Variants in TAF4 observed in about 807,000 individuals in gnomAD.
TAF4 encodes the protein TATA-box binding protein associated factor 4, also known as transcription initiation factor TFIID subunit 4.
A neutral mutation model predicts 90.3 loss-of-function variants in TAF4; 9 were observed. That is an observed-to-expected ratio of 0.10 (90% CI 0.06 to 0.17). TAF4 has a LOEUF of 0.17. TAF4 is among the 10% of genes least tolerant of loss of function. The pLI is 1.00. For synonymous variants in TAF4, 818 were observed against 638.9 expected, an observed-to-expected ratio of 1.28 and a Z score of -4.23; for missense variants, 1,351 against 1,370.7, an observed-to-expected ratio of 0.99 and a Z score of 0.23.
intron 7 of TAF4, chr20:62,005,986 A>G (rs2055742535): frequency 6.5e-6 from 1 of 152,744 alleles, no homozygotes; most frequent in Non-Finnish European, 1.5e-5. Context: ...CTAGCTGCAG[A>G]GCAAACGTCA....
chr20:61,989,034 G>C (rs1285018106), intron 14 of TAF4, among the ~76,000 whole-genome samples: 1 of 152,170 alleles, frequency 6.6e-6, no homozygotes, highest in African/African-American at 2.4e-5. Context: ...CTGAATGATG[G>C]GAACCAGGTT....
chr20:62,039,354 TCTCCTCAA>T (rs1201882545), intron 1 of TAF4, among the ~76,000 whole-genome samples: 1 of 152,054 alleles, frequency 6.6e-6, no homozygotes, highest in Non-Finnish European at 1.5e-5. Flanking sequence ...GAAAGGAAGG[TCTCCTCAA>T]CACATAAGGC....
intron 1 of TAF4, among the ~76,000 whole-genome samples, chr20:62,016,690 T>C (rs772502456): frequency 6.6e-6 from 1 of 152,250 alleles, no homozygotes; most frequent in Non-Finnish European, 1.5e-5. Context: ...GGACTTCACC[T>C]TGTGATCCTG....
chr20:62,039,332 T>A (rs1006359948), intron 1 of TAF4, among the ~76,000 whole-genome samples: 2 of 152,174 alleles, frequency 1.3e-5, no homozygotes, highest in South Asian at 4.1e-4. Flanking sequence ...GGCAGCAGCA[T>A]CGTTCAATAG....
At chr20:61,998,943 G>A (rs777755287) in intron 12 of TAF4, 40 bp downstream of exon 12, 19 of 1,606,154 alleles carry the variant, frequency 1.2e-5, no homozygotes, top group Non-Finnish European at 1.6e-5. Context: ...TGGCTGAGAC[G>A]GAGGTGCCCA....
At position 62,064,694 on chromosome 20, in the gene TAF4, TGCTGGCCGCCGTGCTGGCCGGGCC is replaced by T. The variant is rs756189167; in HGVS notation, c.1093_1116del (p.Gly365_Ser372del). 9.6e-6 allele frequency: 12 copies of T among 1,253,012 alleles called. No homozygotes were observed. Among genetic ancestry groups the T allele is most frequent in the Middle Eastern group, 3.2e-4 (1 of 3,108 alleles). 77.6% of individuals were successfully genotyped at this position (1,253,012 alleles called of 1,614,324 possible). On this transcript the variant is annotated inframe_deletion, in exon 1 of 15. Transcript: ENST00000252996. ...CCTTGCATAGTTGGCCCGATGACCA[TGCTGGCCGCCGTGCTGGCCGGGCC>T]GCTGGCCGCCAGGGTCTGCGCCGCC...
chr20:62,010,132 C>T lies in TAF4; in HGVS notation c.1675G>A (p.Ala559Thr), dbSNP rs1444029107. 1.2e-6 allele frequency: 2 copies of T among 1,613,890 alleles called. No homozygotes were observed. Among genetic ancestry groups the T allele is most frequent in the Admixed American group, 1.7e-5 (1 of 60,020 alleles). ...QLVLGGAAQTASLGTATAVQT... is the reference protein window; with the variant it reads ...QLVLGGAAQTTSLGTATAVQT... ...ACAGCCGTCGCCGTCCCAAGTGAAG[C>T]CGTCTGGGCAGCGCCACCCAGAACG... Residue 559 changes from alanine to threonine, a missense_variant, in exon 4 of 15, where the codon GCT (alanine) becomes ACT (threonine). Physicochemically the swap from Ala to Thr is moderately conservative, Grantham distance 58. This residue lies in a region of TAF4 where 143 missense variants were observed against 176.3 expected (regional missense o/e 0.81). Coordinates refer to ENST00000252996, the MANE Select transcript of TAF4 (RefSeq NM_003185.4). The surrounding 1 kb of genome is among the most constrained non-coding windows in gnomAD (Gnocchi z 4.5).
rs1447343769 is a variant in TAF4 at position 62,006,882 on chromosome 20, C to T, written c.1975-124G>A. ...GAGCTAAGTAAGATGGATCTTGGCC[C>T]TCACGGCAGCATGTCTGGATGTCAA... On this transcript the variant is annotated intron_variant, in intron 6 of 14. Transcript: ENST00000252996. This position sits in a 1 kb window ranked among gnomAD's most constrained non-coding sequence, Gnocchi z 7.0. The T allele has an allele frequency of 8.5e-6, 11 of 1,288,208 alleles. No homozygotes were observed. The highest frequency in any genetic ancestry group is 8.0e-6 in the Non-Finnish European group (8 of 1,000,094). The allele number at this position is 1,288,208 out of a possible 1,614,324, so 79.8% of individuals were successfully genotyped here.
intron 10 of TAF4, 28 bp downstream of exon 10, chr20:62,000,524 A>G (rs1349655976): frequency 6.2e-7 from 1 of 1,602,868 alleles, no homozygotes. Flanking sequence ...CTGTTTAATA[A>G]GAACTCAGTC....
At chr20:62,002,577 A>C (rs1359321819) in intron 9 of TAF4, among the ~76,000 whole-genome samples, 1 of 152,180 alleles carries the variant, frequency 6.6e-6, no homozygotes, top group East Asian at 1.9e-4. Flanking sequence ...TGTAACACTG[A>C]ACTCCTGGGC....
chr20:61,989,555 G>C (rs12053628), intron 14 of TAF4, among the ~76,000 whole-genome samples: 2 of 84,814 alleles, frequency 2.4e-5, no homozygotes, highest in East Asian at 4.6e-4. Context: ...GAGGGATCCC[G>C]GCACCCACAG....
intron 1 of TAF4, among the ~76,000 whole-genome samples, chr20:62,051,478 G>A (rs779473121): frequency 3.7e-4 from 56 of 152,278 alleles, no homozygotes; most frequent in Non-Finnish European, 6.0e-4. Flanking sequence ...TCCCCAGGCT[G>A]CACGTGCAGA....
chr20:62,011,494 T>C (rs2055777245), intron 3 of TAF4, among the ~76,000 whole-genome samples: 1 of 152,124 alleles, frequency 6.6e-6, no homozygotes, highest in African/African-American at 2.4e-5. Context: ...GACGCACCAA[T>C]CAGAGCACAG....
chr20:61,995,934 G>A (rs2055660424), intron 14 of TAF4, among the ~76,000 whole-genome samples: 1 of 151,392 alleles, frequency 6.6e-6, no homozygotes, highest in Non-Finnish European at 1.5e-5. Flanking sequence ...CAAATTTGAT[G>A]AAAGACACTG....
intron 1 of TAF4, among the ~76,000 whole-genome samples, chr20:62,029,722 A>G (rs1250277484): frequency 6.6e-6 from 1 of 152,120 alleles, no homozygotes; most frequent in Non-Finnish European, 1.5e-5. Context: ...CCTGGCCAAC[A>G]TGACGAAACC....
rs574994032 is a variant in TAF4, at chr20:61,977,749, G to T, written c.3091-1414C>A. ...ACACTAGCTCATTATAAAGTGATCC[G>T]CACCTGAGGGCCAGGCCTCCCAAAA... On this transcript the variant is annotated intron_variant, in intron 14 of 14. Transcript: ENST00000252996. Among the ~76,000 whole-genome samples the T allele has an allele frequency of 5.9e-5, 9 of 152,322 alleles. No homozygotes were observed. The South Asian group carries it at 1.9e-3, about 32-fold the overall frequency.
chr20:62,020,393 CT>C (rs1345772724), intron 1 of TAF4, among the ~76,000 whole-genome samples: 1 of 152,222 alleles, frequency 6.6e-6, no homozygotes, highest in Non-Finnish European at 1.5e-5. Flanking sequence ...ACAGTCGCCC[CT>C]GCCAGCCCAC....
intron 14 of TAF4, among the ~76,000 whole-genome samples, chr20:61,982,173 G>A (rs1225451475): frequency 8.9e-4 from 20 of 22,388 alleles, no homozygotes; most frequent in East Asian, 2.7e-3. Flanking sequence ...CACCCCACCC[G>A]AGAGGAGACA....
chr20:62,014,284 T>C (rs2055800366), intron 2 of TAF4, among the ~76,000 whole-genome samples: 1 of 151,972 alleles, frequency 6.6e-6, no homozygotes, highest in South Asian at 2.1e-4. Flanking sequence ...ACTGCTCACT[T>C]TGACCCCACT....
Sources: allele counts gnomAD v4.1 joint callset (sites outside exome capture counted in the v4.1 genomes callset), GRCh38; gene constraint gnomAD v4.1.1; regional missense constraint gnomAD v4.1.1; non-coding constraint Gnocchi (gnomAD v3.1); transcripts MANE v1.5; gene names NCBI Gene and HGNC (gene_info 2026-07-23, HGNC 2026-07-21).